Variants in TMTC1 observed in about 807,000 individuals in gnomAD.
TMTC1 encodes the protein transmembrane O-mannosyltransferase targeting cadherins 1.
A neutral mutation model predicts 104.8 loss-of-function variants in TMTC1; 73 were observed. The observed-to-expected ratio is 0.70, with a 90% CI of 0.58 to 0.85. The LOEUF (loss-of-function observed/expected upper bound fraction) is 0.85, where lower values mean the gene tolerates loss of function less well. Ranked by LOEUF, TMTC1 falls within the 40% of genes least tolerant of loss-of-function variation. The pLI, the probability that TMTC1 is intolerant of heterozygous loss-of-function variation, is 0.00. For missense variants in TMTC1, 1,035 were observed against 1,096.1 expected (o/e 0.94, Z 0.79); for synonymous variants, 434 against 428.7 (o/e 1.01, Z -0.15).
chr12:29,548,528 A>G (rs1253827316), intron 10 of TMTC1, among the ~76,000 whole-genome samples: 1 of 152,048 alleles, frequency 6.6e-6, no homozygotes, highest in Non-Finnish European at 1.5e-5. Flanking sequence ...TGATGGTTTT[A>G]TAAAGTACAG....
At chr12:29,767,342 C>A (rs1405220158) in intron 2 of TMTC1, among the ~76,000 whole-genome samples, 1 of 152,182 alleles carries the variant, frequency 6.6e-6, no homozygotes, top group African/African-American at 2.4e-5. Context: ...GCTCCTAAGT[C>A]TGTCTTTCTA....
At position 29,556,858 on chromosome 12, in the gene TMTC1, T is replaced by C. The variant is rs1317759581; in HGVS notation, c.1675A>G (p.Lys559Glu). ...RALFNLGNLL[K>E]SQEKKEEAIT... ...ATCGATGGTAAACGTCCCACTTACTTGAGGAGATTCCCCAGATTGAAAAGA... is the reference window on the plus strand; with the variant it reads ...ATCGATGGTAAACGTCCCACTTACTCGAGGAGATTCCCCAGATTGAAAAGA... Residue 559 changes from lysine to glutamate, a missense_variant and splice_region_variant, in exon 10 of 18, where the codon AAG becomes GAG. By Grantham distance (56) the Lys-to-Glu change is moderately conservative (BLOSUM62 1). Coordinates refer to ENST00000539277, the MANE Select transcript of TMTC1 (RefSeq NM_001193451.2). The C allele has an allele frequency of 6.2e-7, 1 of 1,613,954 alleles. No individual in the cohort carries two copies.
intron 10 of TMTC1, among the ~76,000 whole-genome samples, chr12:29,556,096 C>T (rs556104913): frequency 6.6e-6 from 1 of 152,208 alleles, no homozygotes; most frequent in Non-Finnish European, 1.5e-5. Flanking sequence ...ACTACCACCA[C>T]CGTTACTACT....
At chr12:29,641,271 G>A (rs1213752274) in intron 5 of TMTC1, 1 of 152,414 alleles carries the variant, frequency 6.6e-6, no homozygotes, top group Non-Finnish European at 1.5e-5. Flanking sequence ...CCACCTCCTG[G>A]TAGGAGGCCA....
At chr12:29,749,975 T>TC (rs1056214740) in intron 5 of TMTC1, among the ~76,000 whole-genome samples, 9 of 151,728 alleles carry the variant, frequency 5.9e-5, no homozygotes, top group African/African-American at 2.2e-4. Flanking sequence ...CTAACCCTTT[T>TC]CCCTCCTTCA....
intron 10 of TMTC1, among the ~76,000 whole-genome samples, chr12:29,537,903 C>A (rs1406132120): frequency 1.3e-5 from 2 of 152,196 alleles, no homozygotes; most frequent in Non-Finnish European, 2.9e-5. Context: ...GGGGAAAAAA[C>A]CGCCATGCTT....
At chr12:29,553,707 A>T (rs564840894) in intron 10 of TMTC1, among the ~76,000 whole-genome samples, 3 of 152,232 alleles carry the variant, frequency 2.0e-5, no homozygotes, top group African/African-American at 7.2e-5. Context: ...TGGTTACCCA[A>T]TAACTCCTCT....
At position 29,722,920 on chromosome 12, in the gene TMTC1, C is replaced by CAA. The variant is rs60730102; in HGVS notation, c.938+28744_938+28745dup. ...TGAGCAACAGAGCAAGACTCTGTCT[C>CAA]AAAAAAAAAAAAAAAGGAAGAAAGA... On this transcript the variant is annotated intron_variant, in intron 5 of 17. Coordinates refer to ENST00000539277, the MANE Select transcript of TMTC1 (RefSeq NM_001193451.2). Among the ~76,000 whole-genome samples the CAA allele has an allele frequency of 8.0e-4, 84 of 104,428 alleles. 2 individuals carry two copies. The East Asian group carries it at 0.013, about 16-fold the overall frequency. 68.5% of individuals were successfully genotyped at this position (104,428 alleles called of 152,430 possible).
intron 11 of TMTC1, among the ~76,000 whole-genome samples, chr12:29,523,652 G>T (rs758425389): frequency 1.2e-4 from 18 of 151,504 alleles, no homozygotes; most frequent in Non-Finnish European, 2.4e-4. Flanking sequence ...GCACTTATTT[G>T]GTCTTAAGTT....
intron 11 of TMTC1, among the ~76,000 whole-genome samples, chr12:29,529,098 A>C (rs1944428850): frequency 6.6e-6 from 1 of 152,212 alleles, no homozygotes; most frequent in Admixed American, 6.5e-5. Flanking sequence ...CAAAGGAGAC[A>C]GTATTTTAAT....
chr12:29,544,257 A>G (rs1217767233), intron 10 of TMTC1, among the ~76,000 whole-genome samples: 1 of 151,386 alleles, frequency 6.6e-6, no homozygotes, highest in East Asian at 1.9e-4. Context: ...AAAAAAAAAA[A>G]AGTCAATTCA....
intron 6 of TMTC1, among the ~76,000 whole-genome samples, chr12:29,624,640 G>T (rs1157699654): frequency 6.6e-6 from 1 of 152,260 alleles, no homozygotes; most frequent in Non-Finnish European, 1.5e-5. Context: ...CAGCCACATG[G>T]CTCACCCTTG....
At chr12:29,613,278 C>G (rs1020631546) in intron 6 of TMTC1, among the ~76,000 whole-genome samples, 1 of 152,114 alleles carries the variant, frequency 6.6e-6, no homozygotes, top group Non-Finnish European at 1.5e-5. Context: ...CACCTAGGAC[C>G]CCCACCTGAC....
chr12:29,657,021 A>G (rs1395651804), intron 5 of TMTC1, among the ~76,000 whole-genome samples: 1 of 152,190 alleles, frequency 6.6e-6, no homozygotes, highest in East Asian at 1.9e-4. Flanking sequence ...ATAGGAATAA[A>G]ATAATTGGTT....
At chr12:29,653,656 ATTGG>A (rs1939626029) in intron 5 of TMTC1, among the ~76,000 whole-genome samples, 1 of 152,212 alleles carries the variant, frequency 6.6e-6, no homozygotes, top group Non-Finnish European at 1.5e-5. Context: ...TGGAAAAGTT[ATTGG>A]TCAGTCACAA....
chr12:29,754,231 A>C (rs1282753114), intron 4 of TMTC1, among the ~76,000 whole-genome samples: 1 of 151,822 alleles, frequency 6.6e-6, no homozygotes, highest in Non-Finnish European at 1.5e-5. Flanking sequence ...TATCAGCAGT[A>C]TTAATCCTCC....
intron 6 of TMTC1, among the ~76,000 whole-genome samples, chr12:29,620,015 G>A (rs1278398034): frequency 2.0e-5 from 3 of 152,200 alleles, no homozygotes; most frequent in Admixed American, 6.5e-5. Context: ...GGTCATGGAA[G>A]CATGCCTGGA....
intron 12 of TMTC1, 21 bp from the exon 13 acceptor site, chr12:29,518,628 G>A: frequency 1.2e-6 from 2 of 1,613,472 alleles, no homozygotes; most frequent in South Asian, 2.2e-5. Context: ...TGACAGGTTG[G>A]TAAGAGCAGA....
chr12:29,718,642 G>A (rs1942147864), intron 5 of TMTC1, among the ~76,000 whole-genome samples: 1 of 152,108 alleles, frequency 6.6e-6, no homozygotes, highest in Admixed American at 6.6e-5. Context: ...ATATTGAGAG[G>A]AATATAAAAT....
Sources: gnomAD v4.1 joint callset for allele counts (sites outside exome capture counted in the v4.1 genomes callset) on GRCh38, gnomAD v4.1.1 for gene constraint, MANE v1.5 for transcripts, NCBI Gene and HGNC (gene_info 2026-07-23, HGNC 2026-07-21) for gene names.